The following UNC5C variants were observed in gnomAD, a reference collection of about 807,000 sequenced individuals.
UNC5C encodes unc-5 netrin receptor C.
Under a neutral mutation model 99.8 loss-of-function variants are expected in UNC5C, and 47 were observed. That is an observed-to-expected ratio of 0.47 (90% CI 0.37 to 0.60). UNC5C has a LOEUF of 0.60. Among genes scored for constraint, UNC5C ranks in the 20% least tolerant of loss-of-function variants. UNC5C has a pLI of 0.00. For synonymous variants in UNC5C, 487 were observed against 452.2 expected, an observed-to-expected ratio of 1.08 and a Z score of -0.98; for missense variants, 1,062 against 1,165.9, an observed-to-expected ratio of 0.91 and a Z score of 1.30.
intron 1 of UNC5C, among the ~76,000 whole-genome samples, chr4:95,487,945 T>C (rs1170735252): frequency 6.6e-6 from 1 of 151,744 alleles, no homozygotes; most frequent in Admixed American, 6.6e-5. Flanking sequence ...AAGTAGACTG[T>C]TTACAAGAAG....
At chr4:95,485,078 A>G (rs1348055337) in intron 1 of UNC5C, among the ~76,000 whole-genome samples, 25 of 151,854 alleles carry the variant, frequency 1.6e-4, no homozygotes, top group Admixed American at 1.6e-3. Flanking sequence ...AATATCTGCC[A>G]TTTATATTCT....
intron 1 of UNC5C, among the ~76,000 whole-genome samples, chr4:95,463,176 T>C (rs1350097389): frequency 6.6e-6 from 1 of 152,072 alleles, no homozygotes; most frequent in Admixed American, 6.6e-5. Context: ...TGGCCAGTGA[T>C]TGGAGTGTCA....
intron 12 of UNC5C, among the ~76,000 whole-genome samples, chr4:95,196,359 A>G (rs1227507991): frequency 6.6e-6 from 1 of 152,146 alleles, no homozygotes; most frequent in Non-Finnish European, 1.5e-5. Context: ...TATTCTCACA[A>G]TTCTTAGCAT....
At chr4:95,437,037 T>C in intron 1 of UNC5C, among the ~76,000 whole-genome samples, 1 of 145,008 alleles carries the variant, frequency 6.9e-6, no homozygotes, top group East Asian at 2.0e-4. Context: ...ACAGCAGGTC[T>C]GCAACTTTCT....
At chr4:95,329,863 C>T (rs555796140) in intron 2 of UNC5C, among the ~76,000 whole-genome samples, 2 of 152,136 alleles carry the variant, frequency 1.3e-5, no homozygotes, top group African/African-American at 4.8e-5. Flanking sequence ...AGACTATGCC[C>T]ACCACTGAAA....
At chr4:95,289,566 T>C (rs1440591367) in intron 3 of UNC5C, among the ~76,000 whole-genome samples, 1 of 152,226 alleles carries the variant, frequency 6.6e-6, no homozygotes, top group African/African-American at 2.4e-5. Context: ...TCTAATATTT[T>C]TTTAAAAAAA....
intron 1 of UNC5C, among the ~76,000 whole-genome samples, chr4:95,439,637 C>T (rs1180032789): frequency 6.6e-6 from 1 of 152,126 alleles, no homozygotes; most frequent in African/African-American, 2.4e-5. Flanking sequence ...TAAAAAGCAT[C>T]ATTTCCCAAA....
At chr4:95,307,544 A>G (rs541591552) in intron 2 of UNC5C, among the ~76,000 whole-genome samples, 10 of 152,332 alleles carry the variant, frequency 6.6e-5, no homozygotes, top group African/African-American at 2.4e-4. Context: ...ACTTTTATTT[A>G]AGAAGAACTA....
At chr4:95,380,076 T>C (rs891715811) in intron 1 of UNC5C, among the ~76,000 whole-genome samples, 2 of 152,198 alleles carry the variant, frequency 1.3e-5, no homozygotes, top group African/African-American at 4.8e-5. Context: ...AAAATTCTCT[T>C]TGGTCCCTAC....
intron 1 of UNC5C, among the ~76,000 whole-genome samples, chr4:95,393,121 G>A (rs1745410066): frequency 6.6e-6 from 1 of 152,170 alleles, no homozygotes; most frequent in African/African-American, 2.4e-5. Context: ...TTATTATACT[G>A]CTCTTCTGCT....
intron 1 of UNC5C, among the ~76,000 whole-genome samples, chr4:95,357,380 CCCT>C (rs1478487742): frequency 6.6e-6 from 1 of 151,964 alleles, no homozygotes; most frequent in Non-Finnish European, 1.5e-5. Context: ...CCTCAAGCCA[CCCT>C]CCTCAGCCTC....
At chr4:95,195,021 C>G (rs1737322213) in intron 12 of UNC5C, among the ~76,000 whole-genome samples, 1 of 152,148 alleles carries the variant, frequency 6.6e-6, no homozygotes, top group East Asian at 1.9e-4. Context: ...AGACCGCTAC[C>G]AAACCTGAAA....
chr4:95,208,257 C>T (rs191255329), intron 10 of UNC5C, among the ~76,000 whole-genome samples: 1 of 152,232 alleles, frequency 6.6e-6, no homozygotes, highest in East Asian at 1.9e-4. Context: ...TTAGCAGGCT[C>T]CAGTTACATG....
chr4:95,530,349 C>T (rs1578211695), intron 1 of UNC5C, among the ~76,000 whole-genome samples: 2 of 152,072 alleles, frequency 1.3e-5, no homozygotes, highest in East Asian at 3.9e-4. Flanking sequence ...TGGGGTCATA[C>T]AGATATATCA....
intron 1 of UNC5C, among the ~76,000 whole-genome samples, chr4:95,537,818 C>G (rs188083222): frequency 6.6e-6 from 1 of 152,144 alleles, no homozygotes. Flanking sequence ...TCGTTACTCT[C>G]TCTCCCATTT....
At chr4:95,196,726 A>AAATATATATTATATTTATGTAATATAT (rs1309626972) in intron 12 of UNC5C, among the ~76,000 whole-genome samples, 1 of 117,608 alleles carries the variant, frequency 8.5e-6, no homozygotes, top group Admixed American at 1.3e-4. Context: ...ATAAATGTAC[A>AAATATATATTATATTTATGTAATATAT]AATATATATT....
At chr4:95,429,064 G>A (rs1746560465) in intron 1 of UNC5C, among the ~76,000 whole-genome samples, 1 of 151,996 alleles carries the variant, frequency 6.6e-6, no homozygotes, top group African/African-American at 2.4e-5. Context: ...GGCAACTTGA[G>A]AAAGCAGAAC....
intron 2 of UNC5C, among the ~76,000 whole-genome samples, chr4:95,320,345 C>T (rs1742634360): frequency 6.6e-6 from 1 of 150,546 alleles, no homozygotes; most frequent in African/African-American, 2.4e-5. Flanking sequence ...TTGCTTGAAC[C>T]CAGGAGGTGG....
rs534060430 is a variant in UNC5C at position 95,276,092 on chromosome 4, A to G, written c.594+2167T>C. 4.6e-5 allele frequency among the ~76,000 whole-genome samples: 7 copies of G among 152,282 alleles called. No individual in the cohort carries two copies. In the South Asian group the frequency reaches 1.4e-3, roughly 32 times the overall value. ...TGGTCGTATAATCCTTTAACTCACT[A>G]AGTTACCTTTCATCCCTTTCTTTTT... is the stretch of plus-strand genomic sequence containing the variant. On this transcript the variant is annotated intron_variant, in intron 4 of 15. Transcript: ENST00000453304.
Sources: gnomAD v4.1 joint callset for allele counts (sites outside exome capture counted in the v4.1 genomes callset) on GRCh38, gnomAD v4.1.1 for gene constraint, MANE v1.5 for transcripts, NCBI Gene and HGNC (gene_info 2026-07-23, HGNC 2026-07-21) for gene names.